CSMD3: variants seen among roughly 807,000 people sequenced by gnomAD.
CSMD3 encodes CUB and sushi domain-containing protein 3.
A neutral mutation model predicts 435.2 loss-of-function variants in CSMD3; 177 were observed. The ratio of observed to expected loss-of-function variants is 0.41; its 90% CI spans 0.36 to 0.46. The LOEUF is 0.46. Among genes scored for constraint, CSMD3 ranks in the 20% least tolerant of loss-of-function variants. The probability of loss-of-function intolerance (pLI) is 0.34; values close to 1 mark genes in which losing one functional copy is unlikely to be tolerated. For synonymous variants in CSMD3, 1,656 were observed against 1,520.5 expected (o/e 1.09, Z -2.07); for missense variants, 4,265 against 4,504.6 (o/e 0.95, Z 1.52).
intron 10 of CSMD3, among the ~76,000 whole-genome samples, chr8:112,864,610 A>G (rs1012221582): frequency 2.0e-5 from 3 of 152,116 alleles, no homozygotes; most frequent in African/African-American, 7.2e-5. Context: ...TCCAATTTAT[A>G]CAAGCAGCAG....
chr8:113,318,564 C>T (rs369020747), intron 1 of CSMD3, among the ~76,000 whole-genome samples: 9 of 152,064 alleles, frequency 5.9e-5, no homozygotes, highest in East Asian at 5.8e-4. Flanking sequence ...ACCTACAGCT[C>T]CCCACTTTCT....
At chr8:112,694,460 A>G (rs1221074703) in intron 13 of CSMD3, among the ~76,000 whole-genome samples, 2 of 152,014 alleles carry the variant, frequency 1.3e-5, no homozygotes, top group Non-Finnish European at 2.9e-5. Context: ...TACGCTTTCT[A>G]TTATCTTGGG....
chr8:112,828,834 G>A (rs2079776589), intron 12 of CSMD3, among the ~76,000 whole-genome samples: 1 of 152,066 alleles, frequency 6.6e-6, no homozygotes, highest in Non-Finnish European at 1.5e-5. Context: ...GAGGTCAAGA[G>A]TGCATGAAGA....
chr8:112,358,185 G>T (rs748591021), intron 38 of CSMD3, among the ~76,000 whole-genome samples: 2 of 152,108 alleles, frequency 1.3e-5, no homozygotes, highest in Non-Finnish European at 2.9e-5. Context: ...GGGGCCTGTA[G>T]CACCTTTGTT....
chr8:112,307,892 C>T lies in CSMD3; in HGVS notation c.7886-1700G>A, dbSNP rs149142120. Among the ~76,000 whole-genome samples the T allele has an allele frequency of 3.3e-3, 500 of 152,220 alleles. 1 individual carries two copies. The highest frequency in any genetic ancestry group is 5.2e-3 in the Non-Finnish European group (353 of 67,986). ...TGTACTATTCACCCATCTTCCATTT[C>T]GACCAAAAATTGTTTCCACTTCTCT... On this transcript the variant is annotated intron_variant, in intron 50 of 70. Transcript: ENST00000297405.
chr8:112,806,040 C>A (rs1156936682), intron 12 of CSMD3, among the ~76,000 whole-genome samples: 11 of 151,930 alleles, frequency 7.2e-5, no homozygotes, highest in African/African-American at 2.7e-4. Context: ...ATATTTAGAG[C>A]ATCTGTTGAT....
At chr8:113,029,954 A>T (rs1048400819) in intron 5 of CSMD3, among the ~76,000 whole-genome samples, 4 of 151,664 alleles carry the variant, frequency 2.6e-5, no homozygotes, top group African/African-American at 7.2e-5. Flanking sequence ...AATGTACACA[A>T]ATCAGTAGCT....
intron 16 of CSMD3, among the ~76,000 whole-genome samples, chr8:112,676,882 G>T (rs1280583636): frequency 6.6e-6 from 1 of 151,988 alleles, no homozygotes; most frequent in Non-Finnish European, 1.5e-5. Context: ...GGGATTCATT[G>T]GCTGGCTTAT....
At chr8:112,360,542 T>A (rs1232789767) in intron 38 of CSMD3, among the ~76,000 whole-genome samples, 1 of 151,248 alleles carries the variant, frequency 6.6e-6, no homozygotes, top group African/African-American at 2.5e-5. Flanking sequence ...AATAACCAAA[T>A]GTAAATATGC....
At chr8:112,373,145 T>C (rs1313435653) in intron 38 of CSMD3, among the ~76,000 whole-genome samples, 1 of 151,716 alleles carries the variant, frequency 6.6e-6, no homozygotes, top group Non-Finnish European at 1.5e-5. Flanking sequence ...CTTCACTATT[T>C]AAAATACTCC....
chr8:113,007,310 T>C (rs1216759967), intron 6 of CSMD3, among the ~76,000 whole-genome samples: 2 of 151,986 alleles, frequency 1.3e-5, no homozygotes, highest in African/African-American at 4.8e-5. Flanking sequence ...TGCTTCAGAA[T>C]GTGACCATAC....
chr8:113,270,915 T>C (rs937186983), intron 3 of CSMD3, among the ~76,000 whole-genome samples: 1 of 151,888 alleles, frequency 6.6e-6, no homozygotes, highest in African/African-American at 2.4e-5. Context: ...ACATGGCACA[T>C]GTATACATAT....
chr8:112,837,957 C>T (rs567567378), intron 11 of CSMD3, among the ~76,000 whole-genome samples: 17 of 151,912 alleles, frequency 1.1e-4, no homozygotes, highest in African/African-American at 4.1e-4. Context: ...AATTAAAGCA[C>T]TTCTTTCTTC....
intron 65 of CSMD3, among the ~76,000 whole-genome samples, chr8:112,244,158 G>A (rs755350714): frequency 6.6e-6 from 1 of 152,104 alleles, no homozygotes; most frequent in Non-Finnish European, 1.5e-5. Context: ...CCTGAAGAGA[G>A]AATTTGAAGA....
chr8:112,380,436 A>G lies in CSMD3; in HGVS notation c.6052T>C (p.Leu2018=), dbSNP rs776302125. ...SYSGTTIPHL[L]NSTSNNLYLN... ...TACAGATTATTAGACGTACTATTCA[A>G]AAGATGGGGTATTGTTGTTCCTGAA... is the stretch of plus-strand genomic sequence containing the variant. The change falls in exon 38 of 71, where the codon TTG becomes CTG. Residue 2018 remains leucine (L), a synonymous_variant. Transcript: ENST00000297405. 5 of 1,580,066 alleles carry G rather than the reference A, an allele frequency of 3.2e-6. No individual in the cohort carries two copies. In the Admixed American group the frequency reaches 8.3e-5, roughly 26 times the overall value.
chr8:112,673,183 A>T (rs1010899348), intron 16 of CSMD3, among the ~76,000 whole-genome samples: 1 of 152,034 alleles, frequency 6.6e-6, no homozygotes, highest in African/African-American at 2.4e-5. Context: ...TAAAAAAAAA[A>T]ACTTGCTTTA....
At chr8:113,081,636 T>C (rs943761688) in intron 5 of CSMD3, among the ~76,000 whole-genome samples, 1 of 152,134 alleles carries the variant, frequency 6.6e-6, no homozygotes, top group Non-Finnish European at 1.5e-5. Flanking sequence ...CATGGTATCA[T>C]TTTGAGAGCA....
chr8:112,701,776 C>G (rs2076394510), intron 13 of CSMD3, among the ~76,000 whole-genome samples: 1 of 152,142 alleles, frequency 6.6e-6, no homozygotes, highest in Non-Finnish European at 1.5e-5. Flanking sequence ...CATAAGCAAC[C>G]TAAGTGTTAG....
At chr8:112,320,442 CA>C (rs964777494) in intron 45 of CSMD3, among the ~76,000 whole-genome samples, 30 of 151,992 alleles carry the variant, frequency 2.0e-4, no homozygotes, top group East Asian at 1.9e-3. Context: ...TCAATCCTCA[CA>C]AAAAAAATTT....
Sources: allele counts gnomAD v4.1 joint callset (sites outside exome capture counted in the v4.1 genomes callset), GRCh38; gene constraint gnomAD v4.1.1; transcripts MANE v1.5; gene names NCBI Gene and HGNC (gene_info 2026-07-23, HGNC 2026-07-21).